The following NRG3 variants were observed in gnomAD, a reference collection of about 807,000 sequenced individuals.
NRG3 encodes pro-neuregulin-3, membrane-bound isoform.
NRG3 carries 31 observed loss-of-function variants against 66.9 expected under a neutral mutation model. The observed-to-expected ratio is 0.46, with a 90% CI of 0.35 to 0.63. The LOEUF is 0.63. Ranked by LOEUF, NRG3 falls within the 20% of genes least tolerant of loss-of-function variation. The pLI is 0.00. For synonymous variants in NRG3, 393 were observed against 359.4 expected (o/e 1.09, Z -1.06); for missense variants, 910 against 878.9 (o/e 1.04, Z -0.45).
chr10:82,866,436 G>A (rs1840747964), intron 4 of NRG3, among the ~76,000 whole-genome samples: 1 of 152,168 alleles, frequency 6.6e-6, no homozygotes, highest in Non-Finnish European at 1.5e-5. Flanking sequence ...TGTTGGAAGT[G>A]TTGAGAGTTA....
At chr10:82,549,546 G>T (rs1285478552) in intron 2 of NRG3, among the ~76,000 whole-genome samples, 1 of 152,112 alleles carries the variant, frequency 6.6e-6, no homozygotes, top group Non-Finnish European at 1.5e-5. Context: ...AATTCCCTTT[G>T]CACCTCTTCC....
In NRG3 at chr10:82,115,913, T is replaced by C. The variant is rs77384061; in HGVS notation, c.823+239750T>C. ...CCAACTCTCCTACATGGATGGAGACTCACATGATCCTGGTCCCTGCAGAGA... is the reference window on the plus strand; with the variant it reads ...CCAACTCTCCTACATGGATGGAGACCCACATGATCCTGGTCCCTGCAGAGA... On this transcript the variant is annotated intron_variant, in intron 1 of 8. Coordinates refer to ENST00000372141, the MANE Select transcript of NRG3 (RefSeq NM_001010848.4). 8.7e-3 allele frequency among the ~76,000 whole-genome samples: 1,331 copies of C among 152,162 alleles called. 24 individuals are homozygous for C. Among genetic ancestry groups the C allele is most frequent in the African/African-American group, 0.03 (1,249 of 41,524 alleles).
intron 2 of NRG3, among the ~76,000 whole-genome samples, chr10:82,526,789 A>G (rs61864246): frequency 0.018 from 2,690 of 152,156 alleles, 56 homozygotes; most frequent in Admixed American, 0.054. Context: ...GAGAAAACAA[A>G]GAGTAGGAAT....
chr10:82,886,448 G>A (rs1842729391), intron 4 of NRG3, among the ~76,000 whole-genome samples: 1 of 152,080 alleles, frequency 6.6e-6, no homozygotes, highest in Non-Finnish European at 1.5e-5. Context: ...AGATTGGATC[G>A]ATACGTTTTG....
chr10:82,910,396 C>T (rs867901092), intron 4 of NRG3, among the ~76,000 whole-genome samples: 4 of 152,238 alleles, frequency 2.6e-5, no homozygotes, highest in Admixed American at 6.5e-5. Context: ...GACAGAATAA[C>T]TGCACCAGGA....
At chr10:82,152,304 A>T (rs2070813575) in intron 1 of NRG3, among the ~76,000 whole-genome samples, 1 of 152,188 alleles carries the variant, frequency 6.6e-6, no homozygotes, top group Non-Finnish European at 1.5e-5. Context: ...GTAAGTTAGG[A>T]TCTGCTTTGT....
chr10:82,133,994 T>G (rs994589740), intron 1 of NRG3, among the ~76,000 whole-genome samples: 2 of 152,220 alleles, frequency 1.3e-5, no homozygotes, highest in Non-Finnish European at 2.9e-5. Context: ...GTGGGTTTGA[T>G]TTGCATTTCT....
At chr10:82,722,853 C>T (rs1195277083) in intron 2 of NRG3, among the ~76,000 whole-genome samples, 3 of 152,178 alleles carry the variant, frequency 2.0e-5, no homozygotes, top group Non-Finnish European at 4.4e-5. Context: ...CTTCATGACA[C>T]ACCTAATTGA....
chr10:82,030,340 A>G (rs747532254), intron 1 of NRG3, among the ~76,000 whole-genome samples: 2 of 152,140 alleles, frequency 1.3e-5, no homozygotes, highest in Non-Finnish European at 1.5e-5. Flanking sequence ...CCATGATCCA[A>G]TTCAATGAAT....
rs57265493 is a variant in NRG3 at position 82,132,459 on chromosome 10, G to C, written c.824-226280G>C. Among the ~76,000 whole-genome samples, 115 of 110,636 alleles carry C rather than the reference G, an allele frequency of 1.0e-3. 5 individuals carry two copies. The highest frequency in any genetic ancestry group is 4.2e-3 in the African/African-American group (105 of 25,176). The allele number at this position is 110,636 out of a possible 152,430, so 72.6% of individuals were successfully genotyped here. ...TTGCTAATATCTTTTATATATATAT[G>C]ATATATATGATATATATATGATATA... On this transcript the variant is annotated intron_variant, in intron 1 of 8. Coordinates refer to ENST00000372141, the MANE Select transcript of NRG3 (RefSeq NM_001010848.4).
chr10:82,201,858 A>C, intron 1 of NRG3, among the ~76,000 whole-genome samples: 1 of 152,144 alleles, frequency 6.6e-6, no homozygotes, highest in East Asian at 1.9e-4. Flanking sequence ...TTCATCGTTC[A>C]TTTTGTGTCT....
chr10:82,950,388 A>G (rs909622950), intron 4 of NRG3, among the ~76,000 whole-genome samples: 4 of 152,142 alleles, frequency 2.6e-5, no homozygotes, highest in African/African-American at 7.2e-5. Flanking sequence ...ATGGCTGATC[A>G]TTAGGGAAAC....
intron 2 of NRG3, among the ~76,000 whole-genome samples, chr10:82,423,308 A>G (rs116010033): frequency 0.015 from 2,301 of 152,120 alleles, 45 homozygotes; most frequent in African/African-American, 0.046. Flanking sequence ...TTAGCTTAAA[A>G]TGATTTTGTA....
rs1841597227 is a variant in NRG3 at position 81,875,991 on chromosome 10, T to C, written c.651T>C (p.Ser217=). 1 of 1,613,938 alleles carries C rather than the reference T, an allele frequency of 6.2e-7. No homozygotes were observed. The highest frequency in any genetic ancestry group is 1.7e-5 in the Admixed American group (1 of 60,010). ...GACCCCCGGTGCCAGGAACTCCAAG[T>C]ACCCAGGCAATGCCCTCCTGGCCTA... ...GSRPPVPGTP[S]TQAMPSWPTA... The change falls in exon 1 of 9, where the codon AGT becomes AGC. Residue 217 remains serine, a synonymous_variant. Transcript: ENST00000372141. This position sits in a 1 kb window ranked among gnomAD's most constrained non-coding sequence, Gnocchi z 5.3.
At chr10:82,448,937 T>A (rs753122823) in intron 2 of NRG3, among the ~76,000 whole-genome samples, 10 of 152,206 alleles carry the variant, frequency 6.6e-5, no homozygotes, top group Non-Finnish European at 1.0e-4. Flanking sequence ...AAGTTAACTG[T>A]CAAGTCTTAG....
chr10:82,969,201 C>T (rs1851505360), intron 6 of NRG3, among the ~76,000 whole-genome samples: 1 of 152,188 alleles, frequency 6.6e-6, no homozygotes, highest in African/African-American at 2.4e-5. Flanking sequence ...TTGCCCAGAG[C>T]ATCTCACTTG....
chr10:81,928,202 T>A lies in NRG3; in HGVS notation c.823+52039T>A, dbSNP rs141149153. Among the ~76,000 whole-genome samples, 11 of 152,338 alleles carry A rather than the reference T, an allele frequency of 7.2e-5. No individual in the cohort carries two copies. In the East Asian group the frequency reaches 2.1e-3, roughly 29 times the overall value. ...AAAGGAAGTAACATATTATGTAGCATCTACAGTTTAATGATGTACATTCTA... is the reference window on the plus strand; with the variant it reads ...AAAGGAAGTAACATATTATGTAGCAACTACAGTTTAATGATGTACATTCTA... On this transcript the variant is annotated intron_variant, in intron 1 of 8. Coordinates refer to ENST00000372141, the MANE Select transcript of NRG3 (RefSeq NM_001010848.4).
In NRG3 at chr10:82,142,901, T is replaced by A. The variant is rs1320309171; in HGVS notation, c.824-215838T>A. The stretch of plus-strand genomic sequence containing the variant: ...TCCCAAGTAGCTGAGACTATGGGTG[T>A]GTGCCACCACACCTGGCTAAGTTTT... On this transcript the variant is annotated intron_variant, in intron 1 of 8. Coordinates refer to ENST00000372141, the MANE Select transcript of NRG3 (RefSeq NM_001010848.4). Among the ~76,000 whole-genome samples the A allele has an allele frequency of 2.0e-5, 3 of 149,278 alleles. No homozygotes were observed. The Admixed American group carries it at 2.0e-4, about 10-fold the overall frequency.
At chr10:82,504,602 G>A (rs573334399) in intron 2 of NRG3, among the ~76,000 whole-genome samples, 33 of 152,262 alleles carry the variant, frequency 2.2e-4, no homozygotes, top group Non-Finnish European at 4.4e-4. Flanking sequence ...TTTCCCCACA[G>A]GTGTTTGTCT....
Sources: gnomAD v4.1 joint callset for allele counts (sites outside exome capture counted in the v4.1 genomes callset) on GRCh38, gnomAD v4.1.1 for gene constraint, Gnocchi (gnomAD v3.1) non-coding constraint, MANE v1.5 for transcripts, NCBI Gene and HGNC (gene_info 2026-07-23, HGNC 2026-07-21) for gene names.